The following PRKCQ variants were observed in gnomAD, a reference collection of about 807,000 sequenced individuals.
PRKCQ encodes protein kinase C theta type.
A neutral mutation model predicts 91.2 loss-of-function variants in PRKCQ; 41 were observed. The observed-to-expected ratio is 0.45, with a 90% CI of 0.35 to 0.58. The LOEUF (loss-of-function observed/expected upper bound fraction) is 0.58, where lower values mean the gene tolerates loss of function less well. Ranked by LOEUF, PRKCQ falls within the 20% of genes least tolerant of loss-of-function variation. The pLI, the probability that PRKCQ is intolerant of heterozygous loss-of-function variation, is 0.00. For missense variants in PRKCQ, 673 were observed against 896.5 expected (o/e 0.75, Z 3.18); for synonymous variants, 307 against 316.9 (o/e 0.97, Z 0.33).
intron 15 of PRKCQ, among the ~76,000 whole-genome samples, 169 bp downstream of exon 15, chr10:6,456,505 A>G (rs1369559841): frequency 1.3e-5 from 2 of 152,224 alleles, no homozygotes; most frequent in African/African-American, 4.8e-5. Flanking sequence ...CTCCCCACAA[A>G]ATAATAATAG....
chr10:6,521,665 T>C (rs1214876259), intron 1 of PRKCQ, among the ~76,000 whole-genome samples: 3 of 152,194 alleles, frequency 2.0e-5, no homozygotes, highest in Non-Finnish European at 4.4e-5. Context: ...AGGAGGAAAG[T>C]AGAAATAGTC....
At chr10:6,463,338 TCTC>T (rs1246842151) in intron 13 of PRKCQ, among the ~76,000 whole-genome samples, 1 of 152,104 alleles carries the variant, frequency 6.6e-6, no homozygotes, top group Non-Finnish European at 1.5e-5. Context: ...AATGCAAAAT[TCTC>T]CTTCCTGGAA....
intron 17 of PRKCQ, among the ~76,000 whole-genome samples, chr10:6,428,957 C>A (rs529633767): frequency 1.5e-3 from 223 of 152,256 alleles, no homozygotes; most frequent in African/African-American, 5.1e-3. Context: ...GGCAAAAAAA[C>A]CAAAACCAAA....
chr10:6,431,025 C>T (rs1046565803), intron 16 of PRKCQ, 87 bp from the exon 17 acceptor site: 51 of 1,482,696 alleles, frequency 3.4e-5, no homozygotes, highest in Admixed American at 4.5e-5. Context: ...GTGCACCAGC[C>T]CCTTCTTTTC....
downstream of PRKCQ, among the ~76,000 whole-genome samples, chr10:6,422,252 T>G (rs910404564): frequency 6.6e-6 from 1 of 152,244 alleles, no homozygotes; most frequent in Non-Finnish European, 1.5e-5. Context: ...TATTCACTTC[T>G]CATATGGCTT....
chr10:6,517,655 A>AGACT (rs1403673122), intron 1 of PRKCQ, among the ~76,000 whole-genome samples: 2 of 124,500 alleles, frequency 1.6e-5, no homozygotes, highest in East Asian at 4.9e-4. Context: ...ATACTGCATC[A>AGACT]GACTGGATCA....
At chr10:6,529,506 T>C (rs1409057831) in intron 1 of PRKCQ, among the ~76,000 whole-genome samples, 4 of 152,124 alleles carry the variant, frequency 2.6e-5, no homozygotes, top group African/African-American at 7.2e-5. Flanking sequence ...GGGACTCAGG[T>C]GCTCTGGTCA....
In PRKCQ at chr10:6,498,568, G is replaced by A; in HGVS notation, c.380-10C>T. 1 of 1,612,842 alleles carries A rather than the reference G, an allele frequency of 6.2e-7. No homozygotes were observed. Among genetic ancestry groups the A allele is most frequent in the Non-Finnish European group, 8.5e-7 (1 of 1,179,150 alleles). On this transcript the variant is annotated splice_polypyrimidine_tract_variant and intron_variant, in intron 4 of 17. Transcript: ENST00000263125. ...TTCATGTCCTTTGTGTCTACAGGAAGAGAGAGGGGAAGAAAGTGAAGTTCT... is the reference window on the plus strand; with the variant it reads ...TTCATGTCCTTTGTGTCTACAGGAAAAGAGAGGGGAAGAAAGTGAAGTTCT...
At chr10:6,501,809 A>G (rs1837931112) in intron 4 of PRKCQ, among the ~76,000 whole-genome samples, 1 of 151,930 alleles carries the variant, frequency 6.6e-6, no homozygotes, top group African/African-American at 2.4e-5. Context: ...GGGCGACATG[A>G]GCGAAACTCT....
At chr10:6,432,268 T>C (rs1014779623) in intron 16 of PRKCQ, among the ~76,000 whole-genome samples, 2 of 152,234 alleles carry the variant, frequency 1.3e-5, no homozygotes, top group Admixed American at 6.5e-5. Context: ...AGCCTGCATG[T>C]TCTGAAATAG....
intron 4 of PRKCQ, among the ~76,000 whole-genome samples, chr10:6,506,970 A>G (rs1838229316): frequency 6.6e-6 from 1 of 152,224 alleles, no homozygotes; most frequent in Non-Finnish European, 1.5e-5. Flanking sequence ...TTGTTCCTAA[A>G]AGGACTTGAG....
intron 1 of PRKCQ, among the ~76,000 whole-genome samples, chr10:6,578,083 C>T (rs1209005588): frequency 6.6e-6 from 1 of 152,206 alleles, no homozygotes; most frequent in Non-Finnish European, 1.5e-5. Flanking sequence ...AAGGGGGCTT[C>T]TGATGCCTGG....
intron 1 of PRKCQ, among the ~76,000 whole-genome samples, chr10:6,557,492 C>T (rs1039345333): frequency 6.6e-6 from 1 of 152,188 alleles, no homozygotes; most frequent in Non-Finnish European, 1.5e-5. Flanking sequence ...TCTCAGCTCA[C>T]TCTTCAGCTT....
Position 6,441,471 on chromosome 10 carries a change from C to T in PRKCQ, c.1836+422G>A, listed in dbSNP as rs66941654. On this transcript the variant is annotated intron_variant, in intron 16 of 17. Transcript: ENST00000263125. Reference sequence around the variant, plus strand: ...TGCCCATTTTGTTTCTTTTTTTTTTCCCCTTTATTGTTTTGGAGACAGGGG... The same window carrying T: ...TGCCCATTTTGTTTCTTTTTTTTTTTCCCTTTATTGTTTTGGAGACAGGGG... Among the ~76,000 whole-genome samples the T allele has an allele frequency of 4.7e-3, 48 of 10,224 alleles. No homozygotes were observed. The South Asian group carries it at 0.051, about 11-fold the overall frequency. 6.7% of individuals were successfully genotyped at this position (10,224 alleles called of 152,430 possible). A position where few individuals can be genotyped will look rare whatever the true frequency, so the allele number is the denominator to read the frequency against.
chr10:6,533,469 T>C (rs1408490127), intron 1 of PRKCQ, among the ~76,000 whole-genome samples: 1 of 152,154 alleles, frequency 6.6e-6, no homozygotes, highest in Non-Finnish European at 1.5e-5. Flanking sequence ...AGTGCTAGGA[T>C]TACAGGCACG....
intron 1 of PRKCQ, among the ~76,000 whole-genome samples, chr10:6,567,838 G>C (rs1016542171): frequency 4.6e-5 from 7 of 151,200 alleles, no homozygotes; most frequent in African/African-American, 1.7e-4. Flanking sequence ...TCTTTTTTTT[G>C]TGAATGCTTT....
At chr10:6,464,231 C>T (rs933114884) in intron 13 of PRKCQ, 82 bp downstream of exon 13, 3 of 1,251,064 alleles carry the variant, frequency 2.4e-6, no homozygotes, top group Non-Finnish European at 3.5e-6. Flanking sequence ...TTCAGGCATG[C>T]CAAGTGGGAA....
chr10:6,568,525 C>G (rs1373822209), intron 1 of PRKCQ, among the ~76,000 whole-genome samples: 1 of 144,972 alleles, frequency 6.9e-6, no homozygotes, highest in African/African-American at 2.6e-5. Context: ...TGAGATGGAG[C>G]CTTGCTCTGT....
At chr10:6,517,732 A>C (rs1307570011) in intron 1 of PRKCQ, among the ~76,000 whole-genome samples, 1 of 151,836 alleles carries the variant, frequency 6.6e-6, no homozygotes, top group Non-Finnish European at 1.5e-5. Context: ...ATTTAAAGAA[A>C]ATAACCAAAC....
Sources: gnomAD v4.1 joint callset for allele counts (sites outside exome capture counted in the v4.1 genomes callset) on GRCh38, gnomAD v4.1.1 for gene constraint, MANE v1.5 for transcripts, NCBI Gene and HGNC (gene_info 2026-07-23, HGNC 2026-07-21) for gene names.